The following CLSTN2 variants were observed in gnomAD, a reference collection of about 807,000 sequenced individuals.
CLSTN2 encodes the protein calsyntenin-2.
A neutral mutation model predicts 101.2 loss-of-function variants in CLSTN2; 48 were observed. The observed-to-expected ratio is 0.47, with a 90% CI of 0.38 to 0.60. The LOEUF (loss-of-function observed/expected upper bound fraction) is 0.60. CLSTN2 is among the 20% of genes least tolerant of loss of function. The probability of loss-of-function intolerance (pLI) is 0.00; values close to 1 mark genes in which losing one functional copy is unlikely to be tolerated. For synonymous variants in CLSTN2, 481 were observed against 463.6 expected (o/e 1.04, Z -0.48); for missense variants, 1,160 against 1,238.2 (o/e 0.94, Z 0.95).
chr3:140,031,687 T>C (rs748413652), intron 1 of CLSTN2, among the ~76,000 whole-genome samples: 2 of 152,230 alleles, frequency 1.3e-5, no homozygotes, highest in Non-Finnish European at 2.9e-5. Flanking sequence ...GGATAGTGTA[T>C]GTGAGTTTCA....
intron 2 of CLSTN2, among the ~76,000 whole-genome samples, chr3:140,384,547 G>T (rs1030420498): frequency 1.9e-4 from 29 of 152,148 alleles, no homozygotes; most frequent in African/African-American, 7.0e-4. Context: ...GATGAGAGGT[G>T]CCCAGGGGTC....
At chr3:140,443,103 C>G (rs1305841841) in intron 5 of CLSTN2, among the ~76,000 whole-genome samples, 1 of 152,222 alleles carries the variant, frequency 6.6e-6, no homozygotes, top group South Asian at 2.1e-4. Flanking sequence ...CCCTCTCACT[C>G]CCCGGTATCC....
At chr3:140,059,692 A>G (rs1376912092) in intron 1 of CLSTN2, among the ~76,000 whole-genome samples, 4 of 152,182 alleles carry the variant, frequency 2.6e-5, no homozygotes, top group East Asian at 1.9e-4. Context: ...CCCTATTAAG[A>G]CACCCACTTG....
At position 140,491,230 on chromosome 3, in the gene CLSTN2, A is replaced by T. The variant is rs113982412; in HGVS notation, c.1344+24499A>T. Among the ~76,000 whole-genome samples, 151 of 152,214 alleles carry T rather than the reference A, an allele frequency of 9.9e-4. 2 individuals are homozygous for T. Among genetic ancestry groups the T allele is most frequent in the Admixed American group, 2.9e-3 (44 of 15,296 alleles). ...CTTTGCCTTCATGATCTTTCTAAAA[A>T]CCACCACTGCCTTGCTAAGACACAT... On this transcript the variant is annotated intron_variant, in intron 8 of 16. Transcript: ENST00000458420.
At chr3:140,352,065 G>C (rs2107943289) in intron 2 of CLSTN2, among the ~76,000 whole-genome samples, 1 of 152,300 alleles carries the variant, frequency 6.6e-6, no homozygotes, top group South Asian at 2.1e-4. Flanking sequence ...TGAGTAGGCT[G>C]AGAAGATTGA....
intron 2 of CLSTN2, among the ~76,000 whole-genome samples, chr3:140,199,320 A>G (rs563930495): frequency 1.3e-5 from 2 of 152,284 alleles, no homozygotes; most frequent in African/African-American, 4.8e-5. Flanking sequence ...ATAACCCTTT[A>G]TCTCATCATT....
At chr3:140,344,385 C>A (rs1182746668) in intron 2 of CLSTN2, among the ~76,000 whole-genome samples, 3 of 152,166 alleles carry the variant, frequency 2.0e-5, no homozygotes, top group Admixed American at 2.0e-4. Flanking sequence ...ATGCCAATGG[C>A]CAAAACAAGT....
chr3:140,214,217 A>T (rs2010894073), intron 2 of CLSTN2, among the ~76,000 whole-genome samples: 1 of 152,088 alleles, frequency 6.6e-6, no homozygotes, highest in Non-Finnish European at 1.5e-5. Flanking sequence ...AGGCAGACGG[A>T]TCACTTGAGG....
At chr3:140,220,085 GC>G (rs1174756289) in intron 2 of CLSTN2, among the ~76,000 whole-genome samples, 1 of 152,216 alleles carries the variant, frequency 6.6e-6, no homozygotes, top group Non-Finnish European at 1.5e-5. Context: ...ACTCTGAACT[GC>G]TATGCTATAC....
chr3:140,216,378 C>T (rs571470345), intron 2 of CLSTN2, among the ~76,000 whole-genome samples: 16 of 152,264 alleles, frequency 1.1e-4, no homozygotes, highest in African/African-American at 3.1e-4. Flanking sequence ...ACAGCACTAA[C>T]GTGGGGGCTT....
In CLSTN2 at chr3:140,240,636, T is replaced by C. The variant is rs573102492; in HGVS notation, c.232+64563T>C. 3.9e-5 allele frequency among the ~76,000 whole-genome samples: 6 copies of C among 152,222 alleles called. No individual in the cohort carries two copies. In the East Asian group the frequency reaches 1.2e-3, roughly 29 times the overall value. On this transcript the variant is annotated intron_variant, in intron 2 of 16. Transcript: ENST00000458420. ...GATAGCACTCTTACTACCAGGATGC[T>C]AACACACTTCCCACAAGCCAAGGGG... is the stretch of plus-strand genomic sequence containing the variant.
At chr3:140,118,653 G>A (rs772833065) in intron 1 of CLSTN2, among the ~76,000 whole-genome samples, 13 of 152,166 alleles carry the variant, frequency 8.5e-5, no homozygotes, top group Non-Finnish European at 1.5e-4. Flanking sequence ...AATGAGTTCT[G>A]TTGGGGAGTT....
At chr3:140,121,749 T>G (rs143209523) in intron 1 of CLSTN2, among the ~76,000 whole-genome samples, 2 of 152,132 alleles carry the variant, frequency 1.3e-5, no homozygotes, top group Non-Finnish European at 2.9e-5. Context: ...TTGGCTTAGG[T>G]GCTGTTTGGT....
chr3:140,469,513 A>C (rs565893665), intron 8 of CLSTN2, among the ~76,000 whole-genome samples: 19 of 152,218 alleles, frequency 1.2e-4, no homozygotes, highest in African/African-American at 4.6e-4. Flanking sequence ...GTGCATACCT[A>C]GTAAGGTCAC....
At chr3:140,051,913 T>G (rs1450269420) in intron 1 of CLSTN2, among the ~76,000 whole-genome samples, 1 of 152,186 alleles carries the variant, frequency 6.6e-6, no homozygotes, top group Non-Finnish European at 1.5e-5. Context: ...GCAGGTGATC[T>G]GGGGCAGAGC....
intron 1 of CLSTN2, among the ~76,000 whole-genome samples, chr3:140,081,794 A>G (rs2008603654): frequency 1.3e-5 from 2 of 151,472 alleles, no homozygotes; most frequent in Non-Finnish European, 2.9e-5. Flanking sequence ...TCTACTCTGG[A>G]GACTGGAGAG....
intron 1 of CLSTN2, among the ~76,000 whole-genome samples, chr3:140,044,422 A>G (rs539750909): frequency 6.6e-6 from 1 of 152,070 alleles, no homozygotes; most frequent in Admixed American, 6.6e-5. Flanking sequence ...GCTTAAGGAG[A>G]TTTTGGGCTG....
intron 2 of CLSTN2, among the ~76,000 whole-genome samples, chr3:140,384,208 G>A (rs2088025503): frequency 6.6e-6 from 1 of 152,216 alleles, no homozygotes; most frequent in Non-Finnish European, 1.5e-5. Flanking sequence ...AACTGGGAAT[G>A]CCTTGGCCAT....
chr3:140,272,923 G>T (rs1011102290), intron 2 of CLSTN2, among the ~76,000 whole-genome samples: 1 of 152,074 alleles, frequency 6.6e-6, no homozygotes, highest in East Asian at 1.9e-4. Context: ...GAAGGAAGTA[G>T]CTCTTGCAGT....
Sources: gnomAD v4.1 joint callset for allele counts (sites outside exome capture counted in the v4.1 genomes callset) on GRCh38, gnomAD v4.1.1 for gene constraint, MANE v1.5 for transcripts, NCBI Gene and HGNC (gene_info 2026-07-23, HGNC 2026-07-21) for gene names.